Variants in ELL observed in about 807,000 individuals in gnomAD.
The protein encoded by ELL is RNA polymerase II elongation factor ELL.
A neutral mutation model predicts 64.0 loss-of-function variants in ELL; 18 were observed. That is an observed-to-expected ratio of 0.28 (90% CI 0.19 to 0.42). ELL has a LOEUF of 0.42. Ranked by LOEUF, ELL falls within the 10% of genes least tolerant of loss-of-function variation. The pLI is 1.00. For missense variants in ELL, 797 were observed against 870.4 expected, an observed-to-expected ratio of 0.92 and a Z score of 1.06; for synonymous variants, 399 against 376.2, an observed-to-expected ratio of 1.06 and a Z score of -0.70.
At chr19:18,466,914 C>CT (rs1974949742) in intron 2 of ELL, among the ~76,000 whole-genome samples, 1 of 152,206 alleles carries the variant, frequency 6.6e-6, no homozygotes, top group South Asian at 2.1e-4. Context: ...GAGACTGTGG[C>CT]TGAATCTCCT....
At chr19:18,446,649 T>G in intron 9 of ELL, 99 bp downstream of exon 9, 1 of 1,522,084 alleles carries the variant, frequency 6.6e-7, no homozygotes. Context: ...ATACTCAGAC[T>G]TGCAGTGGCT....
At chr19:18,521,035 C>G (rs111367398) in intron 1 of ELL, among the ~76,000 whole-genome samples, 1,701 of 152,072 alleles carry the variant, frequency 0.011, 16 homozygotes, top group South Asian at 0.05. Flanking sequence ...CCCTCCCCAC[C>G]ACCAGCCAGG....
At chr19:18,498,954 AAACAAC>A (rs141036344) in intron 1 of ELL, among the ~76,000 whole-genome samples, 3 of 151,700 alleles carry the variant, frequency 2.0e-5, no homozygotes, top group East Asian at 1.9e-4. Flanking sequence ...CTTCTCCAAA[AAACAAC>A]AACAACAACA....
chr19:18,467,753 C>A (rs1974974676), intron 2 of ELL, among the ~76,000 whole-genome samples: 1 of 138,162 alleles, frequency 7.2e-6, no homozygotes, highest in Non-Finnish European at 1.6e-5. Context: ...CAAACACAAC[C>A]CCTCCACACA....
chr19:18,465,450 C>T lies in ELL; in HGVS notation c.431G>A (p.Arg144Gln), dbSNP rs141009699. The change falls in exon 4 of 12, where the codon CGA (arginine) becomes CAA (glutamine). Residue 144 changes from arginine (R) to glutamine (Q), a missense_variant. Transcript: ENST00000262809. ...MAQAEEETRS[R>Q]SAIVIKAGGR... ...TCCAGCCTTGATGACAATGGCACTT[C>T]GGCTCCGCGTCTCCTCCTCCGCCTG... 4 of 1,611,260 alleles carry T rather than the reference C, an allele frequency of 2.5e-6. No homozygotes were observed. Among genetic ancestry groups the T allele is most frequent in the Non-Finnish European group, 3.4e-6 (4 of 1,178,054 alleles).
Position 18,501,492 on chromosome 19 carries a change from A to C in ELL, c.135+20429T>G, listed in dbSNP as rs1427839480. On this transcript the variant is annotated intron_variant, in intron 1 of 11. Transcript: ENST00000262809. This position sits in a 1 kb window ranked among gnomAD's most constrained non-coding sequence, Gnocchi z 4.5. ...CACTTCAAGGCAGCTCTTCCAGGCC[A>C]GCCGGGGCCTTGGAGTGAGGGGCCA... Among the ~76,000 whole-genome samples the C allele has an allele frequency of 1.3e-5, 2 of 152,206 alleles. No individual in the cohort carries two copies. Among genetic ancestry groups the C allele is most frequent in the African/African-American group, 4.8e-5 (2 of 41,462 alleles).
chr19:18,490,675 C>T (rs1046377247), intron 1 of ELL, among the ~76,000 whole-genome samples: 2 of 152,222 alleles, frequency 1.3e-5, no homozygotes, highest in Non-Finnish European at 2.9e-5. Flanking sequence ...CACACAGTGA[C>T]CACGGCCCTC....
At chr19:18,499,537 C>T (rs1975736061) in intron 1 of ELL, among the ~76,000 whole-genome samples, 1 of 152,210 alleles carries the variant, frequency 6.6e-6, no homozygotes, top group Non-Finnish European at 1.5e-5. Flanking sequence ...GGCAAGGTCT[C>T]GGGCCCCTGT....
At chr19:18,470,376 TG>T (rs535349601) in intron 2 of ELL, among the ~76,000 whole-genome samples, 19 of 152,274 alleles carry the variant, frequency 1.2e-4, no homozygotes, top group African/African-American at 4.6e-4. Context: ...TAGAGGGGCA[TG>T]GGTGGTCAGG....
chr19:18,494,344 G>A (rs1365762697), intron 1 of ELL, among the ~76,000 whole-genome samples: 1 of 152,112 alleles, frequency 6.6e-6, no homozygotes, highest in East Asian at 1.9e-4. Context: ...GACAGCATCA[G>A]CTCCCAGCCC....
intron 5 of ELL, among the ~76,000 whole-genome samples, chr19:18,460,342 C>T (rs934475040): frequency 6.6e-6 from 1 of 152,198 alleles, no homozygotes; most frequent in African/African-American, 2.4e-5. Flanking sequence ...GACGAGCTGT[C>T]CAGGGGAAGT....
intron 1 of ELL, among the ~76,000 whole-genome samples, chr19:18,518,230 T>C (rs190973631): frequency 1.4e-3 from 207 of 151,794 alleles, no homozygotes; most frequent in African/African-American, 4.9e-3. Context: ...CCAGGCACGA[T>C]GGCTCACTCT....
intron 1 of ELL, among the ~76,000 whole-genome samples, chr19:18,490,021 AC>A (rs1342863212): frequency 2.6e-5 from 4 of 152,136 alleles, no homozygotes; most frequent in Non-Finnish European, 4.4e-5. Context: ...AGCCACCTGC[AC>A]GCGGGGCCAG....
At chr19:18,472,920 A>AC in intron 1 of ELL, 38 bp from the exon 2 acceptor site, 4 of 1,541,202 alleles carry the variant, frequency 2.6e-6, no homozygotes, top group Non-Finnish European at 3.5e-6. Flanking sequence ...GGTGAGGGGA[A>AC]CATCAATAAA....
rs535096280 is a variant in ELL, at chr19:18,471,968, CT to C, written c.183+866del. On this transcript the variant is annotated intron_variant, in intron 2 of 11. Transcript: ENST00000262809. The stretch of plus-strand genomic sequence containing the variant: ...TTCGTGGAAGACAATTTTTCTTTTT[CT>C]TTTTTTTTTTGAGACAGAGTTTCGC... Among the ~76,000 whole-genome samples the C allele has an allele frequency of 6.1e-4, 89 of 146,290 alleles. No individual in the cohort carries two copies. The East Asian group carries it at 6.5e-3, about 11-fold the overall frequency.
chr19:18,496,903 C>G (rs762002672), intron 1 of ELL, among the ~76,000 whole-genome samples: 6 of 152,248 alleles, frequency 3.9e-5, no homozygotes, highest in Non-Finnish European at 5.9e-5. Context: ...ACAGACAGCA[C>G]CAAGTGCTGG....
intron 1 of ELL, among the ~76,000 whole-genome samples, chr19:18,483,911 T>G (rs538852089): frequency 2.6e-5 from 4 of 152,134 alleles, no homozygotes; most frequent in African/African-American, 9.7e-5. Context: ...GGACAGTGCA[T>G]CTCAGAGCCA....
rs555126487 is a variant in ELL at position 18,451,430 on chromosome 19, C to T, written c.966+122G>A. On this transcript the variant is annotated intron_variant, in intron 7 of 11. Coordinates refer to ENST00000262809, the MANE Select transcript of ELL (RefSeq NM_006532.4). ...CCCTTGGTCCCTGGGCGGAGGGAGG[C>T]GGCTCAACTTGGAGCAGCTCATGCT... 1.2e-3 allele frequency: 1,135 copies of T among 931,918 alleles called. 2 individuals are homozygous for T. The highest frequency in any genetic ancestry group is 1.5e-3 in the Non-Finnish European group (1,009 of 671,534). The allele number at this position is 931,918 out of a possible 1,614,324, so 57.7% of individuals were successfully genotyped here.
intron 1 of ELL, among the ~76,000 whole-genome samples, chr19:18,494,880 G>A (rs968392872): frequency 3.3e-5 from 5 of 152,158 alleles, no homozygotes; most frequent in African/African-American, 7.2e-5. Flanking sequence ...TTCCCTAGCC[G>A]GGTGGCATCT....
Sources: gnomAD v4.1 joint callset for allele counts (sites outside exome capture counted in the v4.1 genomes callset) on GRCh38, gnomAD v4.1.1 for gene constraint, Gnocchi (gnomAD v3.1) non-coding constraint, MANE v1.5 for transcripts, NCBI Gene and HGNC (gene_info 2026-07-23, HGNC 2026-07-21) for gene names.